The following TLN1 variants were observed in gnomAD, a reference collection of about 807,000 sequenced individuals.
The protein encoded by TLN1 is talin-1.
Under a neutral mutation model 292.3 loss-of-function variants are expected in TLN1, and 56 were observed. That is an observed-to-expected ratio of 0.19 (90% CI 0.15 to 0.24). The LOEUF (loss-of-function observed/expected upper bound fraction) is 0.24, where lower values mean the gene tolerates loss of function less well. TLN1 is among the 10% of genes least tolerant of loss of function. The pLI is 1.00. For synonymous variants in TLN1, 1,119 were observed against 1,253.7 expected, an observed-to-expected ratio of 0.89 and a Z score of 2.27; for missense variants, 2,433 against 3,248.2, an observed-to-expected ratio of 0.75 and a Z score of 6.10.
Position 35,704,017 on chromosome 9 carries a change from G to A in TLN1, c.6205C>T (p.Leu2069=). 2 of 1,613,244 alleles carry A rather than the reference G, an allele frequency of 1.2e-6. No homozygotes were observed. Among genetic ancestry groups the A allele is most frequent in the Non-Finnish European group, 1.7e-6 (2 of 1,179,392 alleles). The change falls in exon 46 of 57, where the codon CTG becomes TTG. Residue 2069 remains leucine, a synonymous_variant. Coordinates refer to ENST00000314888, the MANE Select transcript of TLN1 (RefSeq NM_006289.4). The surrounding 1 kb of genome is among the most constrained non-coding windows in gnomAD (Gnocchi z 6.9). ...TGGGTCTCAGGGTCCTCAGCTCCCA[G>A]GCTGGCTGCACCCAGCTTGACCACA... The part of the protein sequence containing the change: ...ADVVKLGAAS[L]GAEDPETQVV...
rs769026783 is a variant in TLN1 at position 35,721,628 on chromosome 9, G to A, written c.1104+20C>T. On this transcript the variant is annotated intron_variant, in intron 10 of 56. Transcript: ENST00000314888. ...AATGAAACTCCCAAAGCACTTTCTT[G>A]TTATAGTCCCCAGACTTACCAGGGT... 3.1e-6 allele frequency: 5 copies of A among 1,603,334 alleles called. No homozygotes were observed. In the South Asian group the frequency reaches 5.5e-5, roughly 18 times the overall value.
chr9:35,715,722 A>G (rs989359182), intron 20 of TLN1, among the ~76,000 whole-genome samples: 3 of 152,250 alleles, frequency 2.0e-5, no homozygotes, highest in Non-Finnish European at 4.4e-5. Flanking sequence ...GCAGGGTAGC[A>G]GCAAAGAAGG....
At chr9:35,721,927 T>A (rs1398096820) in intron 9 of TLN1, 124 bp from the exon 10 acceptor site, 1 of 1,351,854 alleles carries the variant, frequency 7.4e-7, no homozygotes, top group Non-Finnish European at 1.0e-6. Context: ...CAAGGGAAAA[T>A]GCAGGGTAGG....
Position 35,708,405 on chromosome 9 carries a change from C to CG in TLN1, c.4405dup (p.Arg1469ProfsTer32), listed in dbSNP as rs750894181. ...GGCCATCTGAATTGCCTGGTTTGCA[C>CG]GGGCAAACTGTGTGGGCTCCACTAG... On this transcript the variant is annotated frameshift_variant, in exon 34 of 57. Transcript: ENST00000314888. LOFTEE classifies it high-confidence loss of function. 1.2e-6 allele frequency: 2 copies of CG among 1,610,802 alleles called. No homozygotes were observed.
chr9:35,705,515 G>T, intron 43 of TLN1, 36 bp downstream of exon 43: 1 of 1,536,894 alleles, frequency 6.5e-7, no homozygotes, highest in Non-Finnish European at 8.8e-7. Context: ...CAGGAACAAG[G>T]GGCAGGGGGC....
At chr9:35,720,586 C>T (rs1563946032) in intron 11 of TLN1, 77 bp from the exon 12 acceptor site, 3 of 1,391,208 alleles carry the variant, frequency 2.2e-6, no homozygotes, top group Non-Finnish European at 3.0e-6. Context: ...CTCTTCTTTC[C>T]ATAACCAGCC....
Position 35,705,798 on chromosome 9 carries a change from T to C in TLN1, c.5565A>G (p.Thr1855=), listed in dbSNP as rs751936086. The stretch of plus-strand genomic sequence containing the variant: ...TGGCCTTGGCTGTCCGCACCATAGT[T>C]GTTTGGTAATCCACGAAGGAACCTT... ...EPEGSFVDYQ[T]TMVRTAKAIA... Residue 1855 remains threonine (T), a synonymous_variant, in exon 42 of 57, where the codon ACA becomes ACG. Transcript: ENST00000314888. 2 of 1,614,250 alleles carry C rather than the reference T, an allele frequency of 1.2e-6. No homozygotes were observed. Among genetic ancestry groups the C allele is most frequent in the African/African-American group, 1.3e-5 (1 of 75,070 alleles).
rs1055422508 is a variant in TLN1 at position 35,717,900 on chromosome 9, C to T, written c.1996-114G>A. ...ACTGATCCAATCAAAGGAGAGTGTA[C>T]GCAGAAGCAACCAGAACCTACCCCG... is the stretch of plus-strand genomic sequence containing the variant. On this transcript the variant is annotated intron_variant, in intron 17 of 56. Coordinates refer to ENST00000314888, the MANE Select transcript of TLN1 (RefSeq NM_006289.4). This position sits in a 1 kb window ranked among gnomAD's most constrained non-coding sequence, Gnocchi z 4.7. 33 of 1,320,428 alleles carry T rather than the reference C, an allele frequency of 2.5e-5. No individual in the cohort carries two copies. The highest frequency in any genetic ancestry group is 7.0e-5 in the Admixed American group (3 of 43,068). The allele number at this position is 1,320,428 out of a possible 1,614,324, so 81.8% of individuals were successfully genotyped here. A position where few individuals can be genotyped will look rare whatever the true frequency, so the allele number is the denominator to read the frequency against.
At chr9:35,715,313 C>T in intron 20 of TLN1, 126 bp from the exon 21 acceptor site, 1 of 1,328,686 alleles carries the variant, frequency 7.5e-7, no homozygotes, top group Admixed American at 2.6e-5. Context: ...CTAACTAGCC[C>T]CACCAAAAGG....
chr9:35,723,106 C>CG (rs1563946831), intron 7 of TLN1, 185 bp from the exon 8 acceptor site: 2 of 386,782 alleles, frequency 5.2e-6, no homozygotes, highest in East Asian at 4.9e-5. Flanking sequence ...GTAAACTCTT[C>CG]TTTTTTTTTT....
Position 35,725,552 on chromosome 9 carries a change from G to A in TLN1, c.130+13C>T. ...AAGACTCCCACTCCAGCCACCGGGG[G>A]AGTCAGACTCACGAGGACCAGCTGG... On this transcript the variant is annotated intron_variant, in intron 2 of 56. Transcript: ENST00000314888. 6 of 1,610,096 alleles carry A rather than the reference G, an allele frequency of 3.7e-6. No individual in the cohort carries two copies. The highest frequency in any genetic ancestry group is 2.5e-6 in the Non-Finnish European group (3 of 1,177,376).
chr9:35,704,024 T>C lies in TLN1; in HGVS notation c.6198A>G (p.Ala2066=), dbSNP rs1477292515. 6.2e-7 allele frequency: 1 copy of C among 1,613,300 alleles called. No individual in the cohort carries two copies. Among genetic ancestry groups the C allele is most frequent in the African/African-American group, 1.3e-5 (1 of 74,924 alleles). ...TRLADVVKLG[A]ASLGAEDPET... is the part of the protein sequence containing the mutation. ...CAGGGTCCTCAGCTCCCAGGCTGGC[T>C]GCACCCAGCTTGACCACATCAGCGA... The change falls in exon 46 of 57, where the codon GCA becomes GCG. Residue 2066 remains alanine, a synonymous_variant. Coordinates refer to ENST00000314888, the MANE Select transcript of TLN1 (RefSeq NM_006289.4). This position sits in a 1 kb window ranked among gnomAD's most constrained non-coding sequence, Gnocchi z 6.9.
At chr9:35,708,528 G>A (rs746610980) in intron 33 of TLN1, 44 bp from the exon 34 acceptor site, 14 of 1,493,194 alleles carry the variant, frequency 9.4e-6, no homozygotes, top group African/African-American at 8.5e-5. Flanking sequence ...AAAGATTGCA[G>A]GTGGGAAATG....
chr9:35,721,813 A>G lies in TLN1; in HGVS notation c.949-10T>C. ...TCCCTTTCATTTTTTCCTATGAGGC[A>G]GAGGTTGGTGTTGGTGTTACAGGTC... On this transcript the variant is annotated splice_polypyrimidine_tract_variant and intron_variant, in intron 9 of 56. Coordinates refer to ENST00000314888, the MANE Select transcript of TLN1 (RefSeq NM_006289.4). The G allele has an allele frequency of 6.2e-7, 1 of 1,606,962 alleles. No homozygotes were observed. The highest frequency in any genetic ancestry group is 1.1e-5 in the South Asian group (1 of 91,004).
chr9:35,708,055 C>G (rs1349216340), intron 34 of TLN1, 163 bp from the exon 35 acceptor site: 4 of 829,188 alleles, frequency 4.8e-6, no homozygotes, highest in Non-Finnish European at 7.3e-6. Context: ...CAGAGATACC[C>G]AAAGATGAAC....
Position 35,717,743 on chromosome 9 carries a change from G to C in TLN1, c.2039C>G (p.Ala680Gly). The C allele has an allele frequency of 1.9e-6, 3 of 1,610,662 alleles. No homozygotes were observed. The highest frequency in any genetic ancestry group is 2.5e-6 in the Non-Finnish European group (3 of 1,177,406). Residue 680 changes from alanine (A) to glycine (G), a missense_variant, in exon 18 of 57, where the codon GCT becomes GGT. By Grantham distance (60) the Ala-to-Gly change is moderately conservative. Around this residue, in one of 7 missense-constraint regions of TLN1, gnomAD observed 617 missense variants for 770.6 expected, o/e 0.80. Transcript: ENST00000314888. The surrounding 1 kb of genome is among the most constrained non-coding windows in gnomAD (Gnocchi z 4.7). The part of the protein sequence containing the change: ...QLAKAVASAA[A>G]ALVLKAKSVA... ...ACTCTTGGCCTTGAGGACCAGGGCAGCTGCAGCACTTGCCACAGCTTTGGC... is the reference window on the plus strand; with the variant it reads ...ACTCTTGGCCTTGAGGACCAGGGCACCTGCAGCACTTGCCACAGCTTTGGC...
intron 2 of TLN1, 65 bp downstream of exon 2, chr9:35,725,500 C>G: frequency 6.3e-7 from 1 of 1,590,178 alleles, no homozygotes; most frequent in Non-Finnish European, 8.6e-7. Context: ...CTCTCAAGGC[C>G]GAGAGCCTGG....
rs561143929 is a variant in TLN1, at chr9:35,699,574, C to A, written c.6769-113G>T. On this transcript the variant is annotated intron_variant, in intron 50 of 56. Transcript: ENST00000314888. The surrounding 1 kb of genome is among the most constrained non-coding windows in gnomAD (Gnocchi z 4.0). ...CCCCTATCCCTAGAGCACTCCACACCATAGCCCTCAAACTCCACGCTGCCT... is the reference window on the plus strand; with the variant it reads ...CCCCTATCCCTAGAGCACTCCACACAATAGCCCTCAAACTCCACGCTGCCT... 3.5e-6 allele frequency: 5 copies of A among 1,442,660 alleles called. No homozygotes were observed. The South Asian group carries it at 7.4e-5, about 21-fold the overall frequency. 89.4% of individuals were successfully genotyped at this position (1,442,660 alleles called of 1,614,324 possible).
At chr9:35,721,584 C>T in intron 10 of TLN1, 64 bp downstream of exon 10, 1 of 1,562,658 alleles carries the variant, frequency 6.4e-7, no homozygotes, top group South Asian at 1.1e-5. Flanking sequence ...AGGGAAGAGA[C>T]CTCTGCAGCT....
Sources: allele counts gnomAD v4.1 joint callset (sites outside exome capture counted in the v4.1 genomes callset), GRCh38; gene constraint gnomAD v4.1.1; regional missense constraint gnomAD v4.1.1; non-coding constraint Gnocchi (gnomAD v3.1); transcripts MANE v1.5; gene names NCBI Gene and HGNC (gene_info 2026-07-23, HGNC 2026-07-21).